ENOX1: variants seen among roughly 807,000 people sequenced by gnomAD.
ENOX1 encodes the protein ecto-NOX disulfide-thiol exchanger 1, also known as candidate growth-related and time keeping constitutive hydroquinone (NADH) oxidase.
Under a neutral mutation model 82.5 loss-of-function variants are expected in ENOX1, and 42 were observed. That is an observed-to-expected ratio of 0.51 (90% CI 0.40 to 0.66). The LOEUF (loss-of-function observed/expected upper bound fraction) is 0.66, where lower values mean the gene tolerates loss of function less well. Among genes scored for constraint, ENOX1 ranks in the 30% least tolerant of loss-of-function variants. ENOX1 has a pLI of 0.00. For synonymous variants in ENOX1, 271 were observed against 282.2 expected, an observed-to-expected ratio of 0.96 and a Z score of 0.40; for missense variants, 608 against 811.6, an observed-to-expected ratio of 0.75 and a Z score of 3.05.
At chr13:43,764,883 TG>T (rs1425920605) in intron 1 of ENOX1, among the ~76,000 whole-genome samples, 1 of 152,242 alleles carries the variant, frequency 6.6e-6, no homozygotes, top group Non-Finnish European at 1.5e-5. Flanking sequence ...CTTTTACATT[TG>T]CAAGTGCCAA....
chr13:43,286,991 C>T (rs2153496567), intron 12 of ENOX1, among the ~76,000 whole-genome samples: 1 of 152,240 alleles, frequency 6.6e-6, no homozygotes, highest in South Asian at 2.1e-4. Context: ...TTTCAGGGTA[C>T]ACTCTGGAAA....
chr13:43,649,576 A>C (rs2084057831), intron 2 of ENOX1, among the ~76,000 whole-genome samples: 1 of 152,190 alleles, frequency 6.6e-6, no homozygotes, highest in Admixed American at 6.5e-5. Context: ...AATGGTGCTC[A>C]GGTTTTAGAG....
chr13:43,575,477 G>A (rs1296267346), intron 2 of ENOX1, among the ~76,000 whole-genome samples: 4 of 152,190 alleles, frequency 2.6e-5, no homozygotes, highest in African/African-American at 7.2e-5. Context: ...ACTCTGGGCA[G>A]AGGTAAGTGA....
chr13:43,770,616 G>T (rs950781983), intron 1 of ENOX1, among the ~76,000 whole-genome samples: 4 of 149,030 alleles, frequency 2.7e-5, no homozygotes, highest in African/African-American at 7.4e-5. Flanking sequence ...ATGAAAAAAT[G>T]GATTATATAA....
chr13:43,591,848 AAT>A (rs890399155), intron 2 of ENOX1, among the ~76,000 whole-genome samples: 9 of 152,094 alleles, frequency 5.9e-5, no homozygotes, highest in Non-Finnish European at 8.8e-5. Flanking sequence ...GGTGTTGGCA[AAT>A]AGAAGTTGGA....
chr13:43,681,866 C>G (rs752018111), intron 1 of ENOX1, among the ~76,000 whole-genome samples: 1 of 152,032 alleles, frequency 6.6e-6, no homozygotes, highest in East Asian at 1.9e-4. Context: ...AAAGGAGGAA[C>G]AAGTTTCTTG....
chr13:43,784,974 A>G (rs1307454930), intron 1 of ENOX1, among the ~76,000 whole-genome samples: 1 of 152,218 alleles, frequency 6.6e-6, no homozygotes, highest in Non-Finnish European at 1.5e-5. Context: ...GCTCTAAATA[A>G]TGCCAGAACA....
chr13:43,223,181 G>A (rs1191470643), intron 16 of ENOX1, among the ~76,000 whole-genome samples: 1 of 152,164 alleles, frequency 6.6e-6, no homozygotes, highest in Admixed American at 6.5e-5. Context: ...TGCTGGTCTG[G>A]TCGTACCAAT....
intron 2 of ENOX1, among the ~76,000 whole-genome samples, chr13:43,506,345 G>A (rs1316551190): frequency 1.3e-4 from 19 of 150,220 alleles, no homozygotes; most frequent in East Asian, 3.9e-4. Context: ...AACAGGTGCT[G>A]GAGAGGATGT....
chr13:43,542,929 G>A (rs2078806730), intron 2 of ENOX1, among the ~76,000 whole-genome samples: 1 of 152,096 alleles, frequency 6.6e-6, no homozygotes, highest in Non-Finnish European at 1.5e-5. Context: ...GAGCTCTCTA[G>A]GGCCTCTTTT....
At chr13:43,469,986 T>A (rs1461956297) in intron 3 of ENOX1, among the ~76,000 whole-genome samples, 1 of 151,712 alleles carries the variant, frequency 6.6e-6, no homozygotes, top group Non-Finnish European at 1.5e-5. Context: ...ATGTGGTCAT[T>A]TGATCTTTAA....
chr13:43,474,317 A>T (rs2058191603), intron 3 of ENOX1, among the ~76,000 whole-genome samples: 1 of 152,126 alleles, frequency 6.6e-6, no homozygotes, highest in African/African-American at 2.4e-5. Flanking sequence ...CTCTCTCCCT[A>T]GTTCACCCTA....
chr13:43,585,621 G>C (rs901575314), intron 2 of ENOX1, among the ~76,000 whole-genome samples: 38 of 152,136 alleles, frequency 2.5e-4, no homozygotes, highest in African/African-American at 9.2e-4. Context: ...ACTGTGGCCT[G>C]GGCTGGAGTG....
chr13:43,373,004 C>T (rs80347452), intron 5 of ENOX1, among the ~76,000 whole-genome samples: 6,031 of 151,954 alleles, frequency 0.04, 152 homozygotes, highest in South Asian at 0.1. Flanking sequence ...ATTAGTGTTA[C>T]GAATTAAAAT....
At chr13:43,273,687 C>T (rs1445402640) in intron 12 of ENOX1, among the ~76,000 whole-genome samples, 1 of 152,178 alleles carries the variant, frequency 6.6e-6, no homozygotes, top group African/African-American at 2.4e-5. Context: ...CCACTTACCC[C>T]TTTGGCCTGC....
chr13:43,445,348 C>T (rs964143436), intron 3 of ENOX1, among the ~76,000 whole-genome samples: 52 of 152,206 alleles, frequency 3.4e-4, no homozygotes, highest in African/African-American at 1.2e-3. Flanking sequence ...TGGTCTTGAT[C>T]TCCTGACCTC....
intron 9 of ENOX1, among the ~76,000 whole-genome samples, chr13:43,344,129 G>A (rs960747264): frequency 5.9e-5 from 9 of 152,182 alleles, no homozygotes; most frequent in Non-Finnish European, 1.2e-4. Context: ...CCTACACAGA[G>A]CCCAAGGAAA....
At chr13:43,533,622 T>A (rs1286683082) in intron 2 of ENOX1, among the ~76,000 whole-genome samples, 4 of 152,150 alleles carry the variant, frequency 2.6e-5, no homozygotes, top group African/African-American at 9.7e-5. Flanking sequence ...ATCAGATTAC[T>A]TACACTAATT....
intron 12 of ENOX1, among the ~76,000 whole-genome samples, chr13:43,279,531 A>G (rs1321474249): frequency 2.0e-5 from 3 of 152,234 alleles, no homozygotes; most frequent in East Asian, 3.8e-4. Context: ...TTTCTCTTCT[A>G]CAGATGATTT....
Sources: gnomAD v4.1 joint callset for allele counts (sites outside exome capture counted in the v4.1 genomes callset) on GRCh38, gnomAD v4.1.1 for gene constraint, MANE v1.5 for transcripts, NCBI Gene and HGNC (gene_info 2026-07-23, HGNC 2026-07-21) for gene names.